Variants in GJD4 observed in about 807,000 individuals in gnomAD.
The protein encoded by GJD4 is gap junction protein delta 4.
A neutral mutation model predicts 17.9 loss-of-function variants in GJD4; 18 were observed. The observed-to-expected ratio is 1.00, with a 90% CI of 0.69 to 1.49. The LOEUF is 1.49. Ranked by LOEUF, GJD4 falls within the 40% of genes most tolerant of loss-of-function variation. The pLI is 0.00. For missense variants in GJD4, 639 were observed against 506.9 expected, an observed-to-expected ratio of 1.26 and a Z score of -2.50; for synonymous variants, 293 against 236.8, an observed-to-expected ratio of 1.24 and a Z score of -2.18.
Position 35,608,398 on chromosome 10 carries a change from G to A in GJD4, c.885G>A (p.Glu295=). 1 of 1,550,478 alleles carries A rather than the reference G, an allele frequency of 6.4e-7. No individual in the cohort carries two copies. Residue 295 remains glutamate, a synonymous_variant, in exon 2 of 2, where the codon GAG becomes GAA. Coordinates refer to ENST00000321660, the MANE Select transcript of GJD4 (RefSeq NM_153368.3). ...ACACGAAGATTCCGGATGAGGATGAGAGTGAGGTGACATCCTCCGCCAGCG... is the reference window on the plus strand; with the variant it reads ...ACACGAAGATTCCGGATGAGGATGAAAGTGAGGTGACATCCTCCGCCAGCG... ...SGHTKIPDED[E]SEVTSSASEK...
In GJD4 at chr10:35,608,376, C is replaced by G; in HGVS notation, c.863C>G (p.Thr288Arg). The G allele has an allele frequency of 6.4e-7, 1 of 1,552,032 alleles. No individual in the cohort carries two copies. Among genetic ancestry groups the G allele is most frequent in the Non-Finnish European group, 8.7e-7 (1 of 1,148,418 alleles). Residue 288 changes from threonine to arginine, a missense_variant, in exon 2 of 2, where the codon ACG becomes AGG. Transcript: ENST00000321660. ...PRRTSRVSGH[T>R]KIPDEDESEV... ...CGTACATCCAGGGTGTCAGGGCACA[C>G]GAAGATTCCGGATGAGGATGAGAGT...
chr10:35,608,282 C>A lies in GJD4; in HGVS notation c.769C>A (p.Arg257=). 2 of 1,442,216 alleles carry A rather than the reference C, an allele frequency of 1.4e-6. No individual in the cohort carries two copies. The highest frequency in any genetic ancestry group is 9.3e-7 in the Non-Finnish European group (1 of 1,076,728). The allele number at this position is 1,442,216 out of a possible 1,614,324, so 89.3% of individuals were successfully genotyped here. A position where few individuals can be genotyped will look rare whatever the true frequency, so the allele number is the denominator to read the frequency against. ...EGRRTDEEGG[R]EEEGAPAPPG... is the part of the protein sequence containing the mutation. ...ACGCCGGACTGACGAGGAGGGTGGGCGGGAGGAAGAGGGGGCACCGGCGCC... is the reference window on the plus strand; with the variant it reads ...ACGCCGGACTGACGAGGAGGGTGGGAGGGAGGAAGAGGGGGCACCGGCGCC... The change falls in exon 2 of 2, where the codon CGG becomes AGG. Residue 257 remains arginine (R), a synonymous_variant. Transcript: ENST00000321660.
chr10:35,608,104 G>A lies in GJD4; in HGVS notation c.591G>A (p.Leu197=). The change falls in exon 2 of 2, where the codon CTG becomes CTA. Residue 197 remains leucine, a synonymous_variant. Transcript: ENST00000321660. The stretch of plus-strand genomic sequence containing the variant: ...CGCGGCCCACAGAGAAGTCCCTGCT[G>A]ATGCTGTTCCTCTGGGCGGTCAGCG... ...YVSRPTEKSL[L]MLFLWAVSAL... is the part of the protein sequence containing the mutation. The A allele has an allele frequency of 1.2e-6, 2 of 1,610,086 alleles. No homozygotes were observed. Among genetic ancestry groups the A allele is most frequent in the Non-Finnish European group, 1.7e-6 (2 of 1,178,552 alleles).
chr10:35,607,407 A>G (rs1377965330), intron 1 of GJD4, 171 bp from the exon 2 acceptor site: 7 of 624,042 alleles, frequency 1.1e-5, no homozygotes, highest in South Asian at 1.9e-5. Flanking sequence ...GCAATATAGC[A>G]CGACCCTGTG....
chr10:35,608,397 A>C lies in GJD4; in HGVS notation c.884A>C (p.Glu295Ala), dbSNP rs1298568532. ...CACACGAAGATTCCGGATGAGGATG[A>C]GAGTGAGGTGACATCCTCCGCCAGC... ...SGHTKIPDED[E>A]SEVTSSASEK... Residue 295 changes from glutamate to alanine, a missense_variant, in exon 2 of 2, where the codon GAG (glutamate) becomes GCG (alanine). Coordinates refer to ENST00000321660, the MANE Select transcript of GJD4 (RefSeq NM_153368.3). 3 of 1,550,508 alleles carry C rather than the reference A, an allele frequency of 1.9e-6. No homozygotes were observed. In the East Asian group the frequency reaches 7.3e-5, roughly 38 times the overall value.
At chr10:35,605,903 C>T (rs1296298191) in intron 1 of GJD4, 8 of 463,632 alleles carry the variant, frequency 1.7e-5, no homozygotes, top group African/African-American at 9.8e-5. Flanking sequence ...TGTGCTGACA[C>T]TGGGGTGCTG....
chr10:35,608,559 C>T lies in GJD4; in HGVS notation c.1046C>T (p.Pro349Leu). The change falls in exon 2 of 2, where the codon CCC becomes CTC. Residue 349 changes from proline to leucine, a missense_variant. Coordinates refer to ENST00000321660, the MANE Select transcript of GJD4 (RefSeq NM_153368.3). ...AAPPSCSSLQ[P>L]PDPPASSSGA... ...CCCCCTTCCTGCAGCAGCCTGCAGC[C>T]CCCTGACCCGCCTGCCAGCTCCAGT... is the stretch of plus-strand genomic sequence containing the variant. The T allele has an allele frequency of 6.4e-7, 1 of 1,553,698 alleles. No homozygotes were observed. The highest frequency in any genetic ancestry group is 8.7e-7 in the Non-Finnish European group (1 of 1,152,512).
chr10:35,607,589 T>A lies in GJD4; in HGVS notation c.76T>A (p.Phe26Ile), dbSNP rs532478585. Residue 26 changes from phenylalanine (F) to isoleucine (I), a missense_variant, in exon 2 of 2, where the codon TTC becomes ATC. By Grantham distance (21) the Phe-to-Ile change is conservative. Transcript: ENST00000321660. ...CNVTMVGKLWFVLTMLLRMLV... is the reference protein window; with the variant it reads ...CNVTMVGKLWIVLTMLLRMLV... ...TTCCTCTCTTCCAGGAAAGCTCTGG[T>A]TCGTCCTCACGATGCTGCTGCGGAT... 2 of 1,613,956 alleles carry A rather than the reference T, an allele frequency of 1.2e-6. No individual in the cohort carries two copies. The highest frequency in any genetic ancestry group is 1.7e-5 in the Admixed American group (1 of 60,014).
In GJD4 at chr10:35,607,834, C is replaced by A. The variant is rs558730235; in HGVS notation, c.321C>A (p.Gly107=). 1 of 1,600,844 alleles carries A rather than the reference C, an allele frequency of 6.2e-7. No individual in the cohort carries two copies. The highest frequency in any genetic ancestry group is 1.3e-5 in the African/African-American group (1 of 74,984). ...GAGGAGCCACGCTCGCCGCGCTGGG[C>A]CCCCGCCGCTGCCCCGACCCCCGGG... ...LHRGATLAAL[G]PRRCPDPREP... is the part of the protein sequence containing the mutation. Residue 107 remains glycine, a synonymous_variant, in exon 2 of 2, where the codon GGC becomes GGA. Coordinates refer to ENST00000321660, the MANE Select transcript of GJD4 (RefSeq NM_153368.3).
At chr10:35,607,087 T>C (rs79708075) in intron 1 of GJD4, 3,148 of 154,272 alleles carry the variant, frequency 0.02, 57 homozygotes, top group East Asian at 0.06. Context: ...AATTTAAATC[T>C]TATTTAAATC....
At position 35,608,498 on chromosome 10, in the gene GJD4, G is replaced by A; in HGVS notation, c.985G>A (p.Glu329Lys). ...AQDPRGSGSE[E>K]QPSAAPSRLA... The stretch of plus-strand genomic sequence containing the variant: ...GGACCCCAGGGGCTCAGGATCCGAG[G>A]AGCAGCCCTCAGCAGCCCCCAGCCG... Residue 329 changes from glutamate to lysine, a missense_variant, in exon 2 of 2, where the codon GAG (glutamate) becomes AAG (lysine). By Grantham distance (56) the Glu-to-Lys change is moderately conservative. Transcript: ENST00000321660. 2.6e-6 allele frequency: 4 copies of A among 1,550,174 alleles called. No individual in the cohort carries two copies. The highest frequency in any genetic ancestry group is 3.5e-6 in the Non-Finnish European group (4 of 1,147,840).
At position 35,608,165 on chromosome 10, in the gene GJD4, T is replaced by G; in HGVS notation, c.652T>G (p.Cys218Gly). ...SFLLGLADLV[C>G]SLRRRMRRRP... ...TCTGCTGGGCCTCGCCGACCTGGTC[T>G]GCAGCCTGCGGCGGCGGATGCGCAG... The change falls in exon 2 of 2, where the codon TGC becomes GGC. Residue 218 changes from cysteine to glycine, a missense_variant. Cys to Gly is a radical substitution (Grantham distance 159). Transcript: ENST00000321660. The G allele has an allele frequency of 2.5e-6, 4 of 1,604,110 alleles. No homozygotes were observed. The highest frequency in any genetic ancestry group is 3.4e-6 in the Non-Finnish European group (4 of 1,177,716).
chr10:35,605,466 C>A lies in GJD4; in HGVS notation c.-102C>A. ...CCTTTGCTTTCTTATCTCCAGCTCA[C>A]ACCTTTAAGTCTTATGTAGTTAAAG... On this transcript the variant is annotated 5_prime_UTR_variant, in exon 1 of 2. Transcript: ENST00000321660. 2 of 922,706 alleles carry A rather than the reference C, an allele frequency of 2.2e-6. No individual in the cohort carries two copies. Among genetic ancestry groups the A allele is most frequent in the Non-Finnish European group, 3.6e-6 (2 of 560,500 alleles). 57.2% of individuals were successfully genotyped at this position (922,706 alleles called of 1,614,324 possible). A position where few individuals can be genotyped will look rare whatever the true frequency, so the allele number is the denominator to read the frequency against.
At chr10:35,607,496 C>A in intron 1 of GJD4, 82 bp from the exon 2 acceptor site, 1 of 875,956 alleles carries the variant, frequency 1.1e-6, no homozygotes, top group Non-Finnish European at 1.8e-6. Flanking sequence ...TTCCCAATCT[C>A]AGCCCCAATA....
At chr10:35,606,679 C>T (rs1835458549) in intron 1 of GJD4, 1 of 152,146 alleles carries the variant, frequency 6.6e-6, no homozygotes, top group Non-Finnish European at 1.5e-5. Context: ...ATGTTTCTCT[C>T]ATCACAAAAC....
rs1242594811 is a variant in GJD4, at chr10:35,607,737, T to C, written c.224T>C (p.Leu75Pro). 1 of 1,613,540 alleles carries C rather than the reference T, an allele frequency of 6.2e-7. No individual in the cohort carries two copies. ...CYDVFSPVSH[L>P]RFWLIQGVCV... Reference sequence around the variant, plus strand: ...GACGTCTTCTCCCCCGTGTCTCACCTGCGGTTCTGGCTGATCCAGGGCGTG... The same window carrying C: ...GACGTCTTCTCCCCCGTGTCTCACCCGCGGTTCTGGCTGATCCAGGGCGTG... The change falls in exon 2 of 2, where the codon CTG becomes CCG. Residue 75 changes from leucine to proline, a missense_variant. Physicochemically the swap from Leu to Pro is moderately conservative, Grantham distance 98 (BLOSUM62 -3). Coordinates refer to ENST00000321660, the MANE Select transcript of GJD4 (RefSeq NM_153368.3).
At position 35,608,717 on chromosome 10, in the gene GJD4, C is replaced by A. The variant is rs1050696297; in HGVS notation, c.*91C>A. 6 of 921,550 alleles carry A rather than the reference C, an allele frequency of 6.5e-6. No homozygotes were observed. In the South Asian group the frequency reaches 7.3e-5, roughly 11 times the overall value. The allele number at this position is 921,550 out of a possible 1,614,324, so 57.1% of individuals were successfully genotyped here. ...GCAGGAGGATCGTTTGAGAATATATCTCCTTGCCCAAGAGTTTGAGACCAG... is the reference window on the plus strand; with the variant it reads ...GCAGGAGGATCGTTTGAGAATATATATCCTTGCCCAAGAGTTTGAGACCAG... On this transcript the variant is annotated 3_prime_UTR_variant, in exon 2 of 2. Transcript: ENST00000321660.
At chr10:35,605,708 GTCCAGGTATT>G (rs1467587842) in intron 1 of GJD4, 77 bp downstream of exon 1, 2 of 1,150,172 alleles carry the variant, frequency 1.7e-6, no homozygotes, top group Non-Finnish European at 2.6e-6. Context: ...TCCTTAAAGG[GTCCAGGTATT>G]TACTCATTTT....
rs1195688770 is a variant in GJD4 at position 35,607,641 on chromosome 10, C to G, written c.128C>G (p.Pro43Arg). ...CTGGTGATTGTCTTGGCGGGGCGAC[C>G]CGTCTACCAGGACGAGCAGGAGAGG... is the stretch of plus-strand genomic sequence containing the variant. ...RMLVIVLAGRPVYQDEQERFV... is the reference protein window; with the variant it reads ...RMLVIVLAGRRVYQDEQERFV... Residue 43 changes from proline (P) to arginine (R), a missense_variant, in exon 2 of 2, where the codon CCC (proline) becomes CGC (arginine). Transcript: ENST00000321660. 4 of 1,614,114 alleles carry G rather than the reference C, an allele frequency of 2.5e-6. No individual in the cohort carries two copies. The highest frequency in any genetic ancestry group is 3.4e-6 in the Non-Finnish European group (4 of 1,180,052).
Sources: gnomAD v4.1 joint callset for allele counts on GRCh38, gnomAD v4.1.1 for gene constraint, MANE v1.5 for transcripts, NCBI Gene and HGNC (gene_info 2026-07-23, HGNC 2026-07-21) for gene names.